Variants in PDXK observed in about 807,000 individuals in gnomAD.
PDXK encodes pyridoxal kinase, also known as epididymis secretory sperm binding protein Li 1a.
Under a neutral mutation model 43.2 loss-of-function variants are expected in PDXK, and 15 were observed. The observed-to-expected ratio is 0.35, with a 90% confidence interval of 0.23 to 0.53. The LOEUF (loss-of-function observed/expected upper bound fraction) is 0.53, where lower values mean the gene tolerates loss of function less well. Ranked by LOEUF, PDXK falls within the 20% of genes least tolerant of loss-of-function variation. The pLI is 0.92. For synonymous variants in PDXK, 172 were observed against 165.4 expected (o/e 1.04, Z -0.31); for missense variants, 343 against 417.0 (o/e 0.82, Z 1.54).
intron 2 of PDXK, among the ~76,000 whole-genome samples, chr21:43,739,215 GT>G (rs2083453430): frequency 6.6e-6 from 1 of 152,098 alleles, no homozygotes; most frequent in Admixed American, 6.6e-5. Flanking sequence ...TAGAGATGAG[GT>G]TTTGCCACGT....
chr21:43,724,325 T>C (rs574963289), intron 1 of PDXK, among the ~76,000 whole-genome samples: 66 of 152,202 alleles, frequency 4.3e-4, no homozygotes, highest in Non-Finnish European at 3.4e-4. Flanking sequence ...TGCTGTGACA[T>C]TGGCAAAAGT....
At chr21:43,726,242 T>C (rs181096596) in intron 1 of PDXK, among the ~76,000 whole-genome samples, 1,860 of 152,018 alleles carry the variant, frequency 0.012, 14 homozygotes, top group Non-Finnish European at 0.018. Context: ...CAAGAACTTA[T>C]CGGTCCCGTT....
chr21:43,730,676 G>A (rs2083306434), intron 1 of PDXK, among the ~76,000 whole-genome samples: 1 of 152,142 alleles, frequency 6.6e-6, no homozygotes, highest in South Asian at 2.1e-4. Context: ...TATGTAGTCT[G>A]GGTGCAGTGG....
intron 8 of PDXK, 43 bp from the exon 9 acceptor site, chr21:43,753,540 G>A (rs772703812): frequency 6.3e-7 from 1 of 1,578,982 alleles, no homozygotes; most frequent in Admixed American, 1.7e-5. Context: ...CCCTGGCAGA[G>A]GAGCGGCAGA....
At chr21:43,748,107 C>T (rs2083669404) in intron 5 of PDXK, among the ~76,000 whole-genome samples, 1 of 152,250 alleles carries the variant, frequency 6.6e-6, no homozygotes. Context: ...TCAGGCCACT[C>T]AGCCAGCAGG....
rs1482693390 is a variant in PDXK at position 43,756,371 on chromosome 21, G to A, written c.*308G>A. 1 of 320,258 alleles carries A rather than the reference G, an allele frequency of 3.1e-6. No homozygotes were observed. Among genetic ancestry groups the A allele is most frequent in the East Asian group, 8.3e-5 (1 of 12,104 alleles). 19.8% of individuals were successfully genotyped at this position (320,258 alleles called of 1,614,324 possible). Reference sequence around the variant, plus strand: ...TCCCTGTGGGAGGGTGAGTGGGTGAGGCCGAGCCTGCTGCGTGTGGAGCCT... The same window carrying A: ...TCCCTGTGGGAGGGTGAGTGGGTGAAGCCGAGCCTGCTGCGTGTGGAGCCT... On this transcript the variant is annotated 3_prime_UTR_variant, in exon 11 of 11. Transcript: ENST00000291565.
rs1386809728 is a variant in PDXK at position 43,737,357 on chromosome 21, C to A, written c.142+3234C>A. The A allele has an allele frequency of 7.8e-7, 1 of 1,277,028 alleles. No individual in the cohort carries two copies. Among genetic ancestry groups the A allele is most frequent in the Admixed American group, 3.9e-5 (1 of 25,968 alleles). 79.1% of individuals were successfully genotyped at this position (1,277,028 alleles called of 1,614,324 possible). On this transcript the variant is annotated intron_variant, in intron 2 of 10. Coordinates refer to ENST00000291565, the MANE Select transcript of PDXK (RefSeq NM_003681.5). This position sits in a 1 kb window ranked among gnomAD's most constrained non-coding sequence, Gnocchi z 4.8. The stretch of plus-strand genomic sequence containing the variant: ...CAGGCCCCCGTTCCTTGAGGCCGTA[C>A]CACAAGGTGCGTTCATTTTTCCACA...
At position 43,719,203 on chromosome 21, in the gene PDXK, C is replaced by T. The variant is rs1222182035; in HGVS notation, c.-92C>T. 6.5e-6 allele frequency: 4 copies of T among 611,908 alleles called. No homozygotes were observed. Among genetic ancestry groups the T allele is most frequent in the Non-Finnish European group, 9.3e-6 (4 of 431,116 alleles). The allele number at this position is 611,908 out of a possible 1,614,324, so 37.9% of individuals were successfully genotyped here. On this transcript the variant is annotated 5_prime_UTR_variant, in exon 1 of 11. Coordinates refer to ENST00000291565, the MANE Select transcript of PDXK (RefSeq NM_003681.5). ...GAGTCGCAGCCGAGGGGAGCCGGGG[C>T]CGGAGCCCGAGCCCGAGCCGAGCCG...
At position 43,735,948 on chromosome 21, in the gene PDXK, T is replaced by C. The variant is rs150421845; in HGVS notation, c.142+1825T>C. Reference sequence around the variant, plus strand: ...AGGCTGGTGCATCGTGTACCTGCCCTGGGTGCCACGGGAGCTGGTGGTCAA... The same window carrying C: ...AGGCTGGTGCATCGTGTACCTGCCCCGGGTGCCACGGGAGCTGGTGGTCAA... On this transcript the variant is annotated intron_variant, in intron 2 of 10. Coordinates refer to ENST00000291565, the MANE Select transcript of PDXK (RefSeq NM_003681.5). This position sits in a 1 kb window ranked among gnomAD's most constrained non-coding sequence, Gnocchi z 5.3. Among the ~76,000 whole-genome samples, 76 of 152,250 alleles carry C rather than the reference T, an allele frequency of 5.0e-4. No individual in the cohort carries two copies. Among genetic ancestry groups the C allele is most frequent in the Middle Eastern group, 6.8e-3 (2 of 294 alleles).
intron 3 of PDXK, among the ~76,000 whole-genome samples, chr21:43,742,455 T>G (rs2083553322): frequency 6.6e-6 from 1 of 152,186 alleles, no homozygotes; most frequent in Non-Finnish European, 1.5e-5. Context: ...GTGCTGGGAT[T>G]ACAGGCGTGA....
rs1337005246 is a variant in PDXK at position 43,761,806 on chromosome 21, C to T, written c.*5743C>T. On this transcript the variant is annotated 3_prime_UTR_variant, in exon 11 of 11. Transcript: ENST00000291565. Reference sequence around the variant, plus strand: ...AGAACCTGTGTCAAGCTCGAGCCGTCATAGGTCCCCATGAGGTGTCTGAAG... The same window carrying T: ...AGAACCTGTGTCAAGCTCGAGCCGTTATAGGTCCCCATGAGGTGTCTGAAG... 2.0e-5 allele frequency: 3 copies of T among 152,664 alleles called. No homozygotes were observed. Among genetic ancestry groups the T allele is most frequent in the African/African-American group, 7.2e-5 (3 of 41,444 alleles). 9.5% of individuals were successfully genotyped at this position (152,664 alleles called of 1,614,324 possible).
chr21:43,740,088 C>T (rs1601807914), intron 2 of PDXK, among the ~76,000 whole-genome samples: 1 of 152,070 alleles, frequency 6.6e-6, no homozygotes, highest in Non-Finnish European at 1.5e-5. Flanking sequence ...TGCGTACACT[C>T]TGGTGTCCCG....
chr21:43,745,861 C>T (rs2083629979), intron 4 of PDXK: 1 of 580,606 alleles, frequency 1.7e-6, no homozygotes, highest in Non-Finnish European at 3.1e-6. Flanking sequence ...GCTGGGTGTG[C>T]TGCTGCATGC....
chr21:43,737,843 C>A lies in PDXK; in HGVS notation c.142+3720C>A. On this transcript the variant is annotated intron_variant, in intron 2 of 10. Coordinates refer to ENST00000291565, the MANE Select transcript of PDXK (RefSeq NM_003681.5). This position sits in a 1 kb window ranked among gnomAD's most constrained non-coding sequence, Gnocchi z 4.8. ...CGCTTGTTTGCCTGTGCTTTTTCAT[C>A]TGTAAATGGAATGAGTTGGACACAA... 1.0e-6 allele frequency: 1 copy of A among 985,478 alleles called. No homozygotes were observed. The highest frequency in any genetic ancestry group is 1.2e-6 in the Non-Finnish European group (1 of 829,938). 61.0% of individuals were successfully genotyped at this position (985,478 alleles called of 1,614,324 possible). A position where few individuals can be genotyped will look rare whatever the true frequency, so the allele number is the denominator to read the frequency against.
intron 8 of PDXK, among the ~76,000 whole-genome samples, chr21:43,753,083 G>A (rs938630024): frequency 1.3e-5 from 2 of 152,176 alleles, no homozygotes; most frequent in African/African-American, 4.8e-5. Flanking sequence ...GGACATGGGA[G>A]CCTTGCAGGC....
At chr21:43,727,208 A>G (rs1355477769) in intron 1 of PDXK, among the ~76,000 whole-genome samples, 1 of 152,182 alleles carries the variant, frequency 6.6e-6, no homozygotes, top group Non-Finnish European at 1.5e-5. Flanking sequence ...ACCCACACAG[A>G]GCTTTTGAAA....
chr21:43,750,641 C>T, intron 7 of PDXK, 96 bp downstream of exon 7: 2 of 930,282 alleles, frequency 2.1e-6, no homozygotes, highest in Non-Finnish European at 3.4e-6. Flanking sequence ...TGTCATTTCT[C>T]CCCAGCAGTG....
chr21:43,741,905 C>T lies in PDXK; in HGVS notation c.247+134C>T, dbSNP rs145148868. Reference sequence around the variant, plus strand: ...CCCTTCAAGGAGGGCCTTGGCGTGCCCAAGCCACCATCACACCCCCGGTAG... The same window carrying T: ...CCCTTCAAGGAGGGCCTTGGCGTGCTCAAGCCACCATCACACCCCCGGTAG... On this transcript the variant is annotated intron_variant, in intron 3 of 10. Coordinates refer to ENST00000291565, the MANE Select transcript of PDXK (RefSeq NM_003681.5). 647 of 665,980 alleles carry T rather than the reference C, an allele frequency of 9.7e-4. 1 individual carries two copies. Among genetic ancestry groups the T allele is most frequent in the Non-Finnish European group, 1.6e-3 (596 of 375,384 alleles). 41.3% of individuals were successfully genotyped at this position (665,980 alleles called of 1,614,324 possible).
At chr21:43,733,983 C>T in intron 1 of PDXK, 86 bp from the exon 2 acceptor site, 2 of 1,346,824 alleles carry the variant, frequency 1.5e-6, no homozygotes, top group South Asian at 1.2e-5. Flanking sequence ...TCATTTACTC[C>T]CCTCTTCTGA....
Sources: gnomAD v4.1 joint callset for allele counts (sites outside exome capture counted in the v4.1 genomes callset) on GRCh38, gnomAD v4.1.1 for gene constraint, Gnocchi (gnomAD v3.1) non-coding constraint, MANE v1.5 for transcripts, NCBI Gene and HGNC (gene_info 2026-07-23, HGNC 2026-07-21) for gene names.